The following DGLUCY variants were observed in gnomAD, a reference collection of about 807,000 sequenced individuals.
The protein encoded by DGLUCY is D-glutamate cyclase, mitochondrial.
DGLUCY carries 58 observed loss-of-function variants against 58.5 expected under a neutral mutation model. That is an observed-to-expected ratio of 0.99 (90% CI 0.80 to 1.23). The LOEUF is 1.23. DGLUCY is among the 50% of genes most tolerant of loss of function. The pLI is 0.00. For synonymous variants in DGLUCY, 325 were observed against 314.1 expected (o/e 1.03, Z -0.37); for missense variants, 779 against 784.7 (o/e 0.99, Z 0.09).
intron 1 of DGLUCY, among the ~76,000 whole-genome samples, chr14:91,095,476 CACTCCATGTT>C (rs2044379384): frequency 1.3e-5 from 2 of 152,196 alleles, no homozygotes; most frequent in South Asian, 4.1e-4. Context: ...CTATGACGTG[CACTCCATGTT>C]CTTTCTTTGG....
intron 1 of DGLUCY, chr14:91,115,246 A>C (rs2044851284): frequency 6.6e-6 from 1 of 152,462 alleles, no homozygotes. Context: ...GCTAAAAAGA[A>C]GGAAAGGAGA....
At chr14:91,195,731 C>T (rs373852133) in intron 9 of DGLUCY, among the ~76,000 whole-genome samples, 15 of 138,790 alleles carry the variant, frequency 1.1e-4, no homozygotes, top group African/African-American at 3.0e-4. Flanking sequence ...AGTGCAGTGG[C>T]GTGATCTCGG....
At chr14:91,180,427 C>T (rs548986898) in intron 7 of DGLUCY, among the ~76,000 whole-genome samples, 2 of 151,648 alleles carry the variant, frequency 1.3e-5, no homozygotes, top group East Asian at 2.0e-4. Context: ...CTAAAATTAG[C>T]CAGGCGTGGT....
At chr14:91,195,397 C>A (rs774091095) in intron 9 of DGLUCY, among the ~76,000 whole-genome samples, 3 of 152,074 alleles carry the variant, frequency 2.0e-5, no homozygotes, top group Non-Finnish European at 2.9e-5. Context: ...AGAAAAGGTC[C>A]TATTTTTAAG....
chr14:91,223,265 A>G (rs921569817), intron 13 of DGLUCY, among the ~76,000 whole-genome samples: 1 of 152,176 alleles, frequency 6.6e-6, no homozygotes, highest in African/African-American at 2.4e-5. Context: ...TGTCACATTC[A>G]CCACTGTATC....
chr14:91,084,184 C>CTCCACCA (rs2044173443), intron 1 of DGLUCY, among the ~76,000 whole-genome samples: 2 of 151,246 alleles, frequency 1.3e-5, no homozygotes, highest in Admixed American at 6.6e-5. Flanking sequence ...TAGCAGTTCT[C>CTCCACCA]TCCACCATCA....
rs143970112 is a variant in DGLUCY at position 91,206,891 on chromosome 14, G to A, written c.1564+2066G>A. Among the ~76,000 whole-genome samples, 560 of 152,118 alleles carry A rather than the reference G, an allele frequency of 3.7e-3. 4 individuals are homozygous for A. Among genetic ancestry groups the A allele is most frequent in the African/African-American group, 0.013 (525 of 41,490 alleles). On this transcript the variant is annotated intron_variant, in intron 12 of 13. Coordinates refer to ENST00000256324, the MANE Select transcript of DGLUCY (RefSeq NM_001102368.3). ...CTTCACTGCAAAAAATAGGCAACATGCAAGAAGAGATGGATAATGCAAGCA... is the reference window on the plus strand; with the variant it reads ...CTTCACTGCAAAAAATAGGCAACATACAAGAAGAGATGGATAATGCAAGCA...
intron 3 of DGLUCY, among the ~76,000 whole-genome samples, chr14:91,163,715 T>C (rs750960619): frequency 6.6e-6 from 1 of 152,180 alleles, no homozygotes; most frequent in African/African-American, 2.4e-5. Context: ...AAATGCTGGC[T>C]GTGCCGTGCA....
At chr14:91,211,588 C>A (rs1252356995) in intron 12 of DGLUCY, among the ~76,000 whole-genome samples, 1 of 152,180 alleles carries the variant, frequency 6.6e-6, no homozygotes, top group African/African-American at 2.4e-5. Context: ...CAAAGGTAGT[C>A]TTTTCAACAA....
At chr14:91,200,399 A>G (rs919679900) in intron 11 of DGLUCY, among the ~76,000 whole-genome samples, 3 of 152,184 alleles carry the variant, frequency 2.0e-5, no homozygotes, top group Admixed American at 6.5e-5. Flanking sequence ...ACATCCTCAC[A>G]AGCAAGGGAG....
intron 1 of DGLUCY, among the ~76,000 whole-genome samples, chr14:91,074,404 A>T (rs959100393): frequency 2.6e-5 from 4 of 151,330 alleles, no homozygotes; most frequent in Non-Finnish European, 4.4e-5. Flanking sequence ...ACTTGAACCC[A>T]GGAGTTCGAG....
At chr14:91,150,279 T>A (rs186465448) in intron 1 of DGLUCY, among the ~76,000 whole-genome samples, 1 of 148,312 alleles carries the variant, frequency 6.7e-6, no homozygotes, top group Admixed American at 6.7e-5. Flanking sequence ...ACACAAAACC[T>A]TCCTTTCCCA....
intron 8 of DGLUCY, among the ~76,000 whole-genome samples, chr14:91,182,928 A>T (rs1046888965): frequency 2.9e-4 from 42 of 146,322 alleles, no homozygotes; most frequent in East Asian, 7.8e-4. Context: ...TTTATTTTTT[A>T]TTTTATTTTA....
intron 1 of DGLUCY, among the ~76,000 whole-genome samples, chr14:91,143,786 G>A (rs1482064583): frequency 6.6e-6 from 1 of 152,186 alleles, no homozygotes; most frequent in East Asian, 1.9e-4. Flanking sequence ...ATTGTGCTGG[G>A]TATTTGACTA....
chr14:91,179,773 T>C (rs1038439797), intron 7 of DGLUCY, among the ~76,000 whole-genome samples: 17 of 151,836 alleles, frequency 1.1e-4, no homozygotes, highest in African/African-American at 4.1e-4. Flanking sequence ...AATATATGCT[T>C]GTTCAATTAA....
intron 1 of DGLUCY, among the ~76,000 whole-genome samples, chr14:91,139,093 C>G (rs2046504210): frequency 6.6e-6 from 1 of 152,110 alleles, no homozygotes; most frequent in African/African-American, 2.4e-5. Context: ...ATTATGGAGG[C>G]TGAAAAGTTC....
At chr14:91,105,833 G>T (rs906082488), upstream of DGLUCY, among the ~76,000 whole-genome samples, 1 of 152,170 alleles carries the variant, frequency 6.6e-6, no homozygotes, top group African/African-American at 2.4e-5. Flanking sequence ...ACACAAACCT[G>T]GGTGGCATAG....
At position 91,170,194 on chromosome 14, in the gene DGLUCY, C is replaced by T. The variant is rs780192240; in HGVS notation, c.449C>T (p.Ala150Val). 1.7e-5 allele frequency: 27 copies of T among 1,613,230 alleles called. No homozygotes were observed. The highest frequency in any genetic ancestry group is 1.4e-5 in the Non-Finnish European group (16 of 1,179,834). Reference sequence around the variant, plus strand: ...CCAGCAGGTCACAGCCAGGCGGGTGCATACAAGGTAGGGACACAGCCCACA... The same window carrying T: ...CCAGCAGGTCACAGCCAGGCGGGTGTATACAAGGTAGGGACACAGCCCACA... ...RDPAGHSQAG[A>V]YKTTVPCVTH... The change falls in exon 5 of 14, where the codon GCA becomes GTA. Residue 150 changes from alanine to valine, a missense_variant. By Grantham distance (64) the Ala-to-Val change is moderately conservative. Coordinates refer to ENST00000256324, the MANE Select transcript of DGLUCY (RefSeq NM_001102368.3).
intron 8 of DGLUCY, chr14:91,185,379 C>T (rs895729840): frequency 2.1e-5 from 3 of 144,586 alleles, no homozygotes; most frequent in African/African-American, 7.8e-5. Context: ...CTCTCCAGGG[C>T]TCAAGGTACC....
Sources: gnomAD v4.1 joint callset for allele counts (sites outside exome capture counted in the v4.1 genomes callset) on GRCh38, gnomAD v4.1.1 for gene constraint, MANE v1.5 for transcripts, NCBI Gene and HGNC (gene_info 2026-07-23, HGNC 2026-07-21) for gene names.